The following EPHA6 variants were observed in gnomAD, a reference collection of about 807,000 sequenced individuals.
EPHA6 encodes the protein ephrin type-A receptor 6.
In EPHA6, 50 loss-of-function variants were observed where a neutral mutation model predicts 112.0. The observed-to-expected ratio is 0.45, with a 90% CI of 0.36 to 0.56. The LOEUF (loss-of-function observed/expected upper bound fraction) is 0.56. EPHA6 is among the 20% of genes least tolerant of loss of function. The pLI is 0.00. For synonymous variants in EPHA6, 529 were observed against 490.7 expected, an observed-to-expected ratio of 1.08 and a Z score of -1.03; for missense variants, 1,280 against 1,417.4, an observed-to-expected ratio of 0.90 and a Z score of 1.56.
chr3:97,546,763 T>G (rs923319689), intron 11 of EPHA6, among the ~76,000 whole-genome samples: 1 of 152,200 alleles, frequency 6.6e-6, no homozygotes, highest in Non-Finnish European at 1.5e-5. Flanking sequence ...TTTGTTCATT[T>G]CTTTTTATTC....
rs530762504 is a variant in EPHA6, at chr3:97,293,307, C to T, written c.1606+49020C>T. On this transcript the variant is annotated intron_variant, in intron 5 of 17. Coordinates refer to ENST00000389672, the MANE Select transcript of EPHA6 (RefSeq NM_001080448.3). ...CAGGCAGGCCATCCCAGTGAGTGTCCAGCTCTCAGCGGAGAGGAGACCCAG... is the reference window on the plus strand; with the variant it reads ...CAGGCAGGCCATCCCAGTGAGTGTCTAGCTCTCAGCGGAGAGGAGACCCAG... 2.6e-5 allele frequency among the ~76,000 whole-genome samples: 4 copies of T among 152,248 alleles called. No homozygotes were observed. In the East Asian group the frequency reaches 7.8e-4, roughly 30 times the overall value.
At chr3:97,385,273 C>T (rs1389450062) in intron 5 of EPHA6, among the ~76,000 whole-genome samples, 4 of 152,160 alleles carry the variant, frequency 2.6e-5, no homozygotes, top group Admixed American at 6.5e-5. Context: ...TATGTGGACA[C>T]ATTGAAAAGG....
intron 5 of EPHA6, among the ~76,000 whole-genome samples, chr3:97,311,699 G>A (rs2081571568): frequency 6.7e-6 from 1 of 149,906 alleles, no homozygotes; most frequent in Admixed American, 6.8e-5. Context: ...TTTATTATAA[G>A]TTTTGAAATC....
Position 97,749,048 on chromosome 3 carries a change from T to C in EPHA6, c.*347T>C, listed in dbSNP as rs1391107153. ...TCCAGGTGGGGCTTCCTTAGTGATG[T>C]ATGTAGAGTGTGATGGTAGATGAGA... On this transcript the variant is annotated 3_prime_UTR_variant, in exon 18 of 18. Transcript: ENST00000389672. The C allele has an allele frequency of 2.8e-5, 8 of 284,090 alleles. No homozygotes were observed. Among genetic ancestry groups the C allele is most frequent in the Non-Finnish European group, 5.4e-5 (8 of 147,016 alleles). The allele number at this position is 284,090 out of a possible 1,614,324, so 17.6% of individuals were successfully genotyped here.
At chr3:97,091,036 CTA>C (rs1023171856) in intron 3 of EPHA6, among the ~76,000 whole-genome samples, 64 of 152,164 alleles carry the variant, frequency 4.2e-4, no homozygotes, top group African/African-American at 1.5e-3. Flanking sequence ...ACCAAAAATT[CTA>C]TGTGTATTAA....
intron 3 of EPHA6, among the ~76,000 whole-genome samples, chr3:97,196,081 C>A (rs537430854): frequency 6.6e-6 from 1 of 151,056 alleles, no homozygotes; most frequent in South Asian, 2.1e-4. Flanking sequence ...ACCCAGATCT[C>A]TCTCTCTATC....
At chr3:97,724,728 G>A (rs183921972) in intron 15 of EPHA6, among the ~76,000 whole-genome samples, 1 of 152,106 alleles carries the variant, frequency 6.6e-6, no homozygotes, top group East Asian at 1.9e-4. Context: ...CTCCAGCCTG[G>A]TGACAGAGTG....
intron 2 of EPHA6, among the ~76,000 whole-genome samples, chr3:96,916,892 T>G (rs1160906192): frequency 2.0e-5 from 3 of 152,128 alleles, no homozygotes; most frequent in African/African-American, 7.2e-5. Context: ...GAAATCAAAT[T>G]AAGTGTTTTA....
At position 97,146,072 on chromosome 3, in the gene EPHA6, A is replaced by G. The variant is rs568704417; in HGVS notation, c.1115-80192A>G. ...CATATTATTTGATTGCTCCTTTTAA[A>G]TTATACAATATTGCCATCCTATGAA... On this transcript the variant is annotated intron_variant, in intron 3 of 17. Transcript: ENST00000389672. 7.4e-4 allele frequency among the ~76,000 whole-genome samples: 113 copies of G among 151,932 alleles called. 1 individual carries two copies. Among genetic ancestry groups the G allele is most frequent in the African/African-American group, 2.6e-3 (106 of 41,546 alleles).
intron 11 of EPHA6, among the ~76,000 whole-genome samples, chr3:97,592,396 C>A (rs910379741): frequency 6.6e-6 from 1 of 152,156 alleles, no homozygotes; most frequent in Non-Finnish European, 1.5e-5. Context: ...ATGCTTCTAA[C>A]CCTCTTTAAT....
At chr3:97,099,819 G>C (rs1248134857) in intron 3 of EPHA6, among the ~76,000 whole-genome samples, 1 of 151,956 alleles carries the variant, frequency 6.6e-6, no homozygotes, top group African/African-American at 2.4e-5. Context: ...TGATCATATG[G>C]AGCAAAGTCC....
chr3:97,595,914 T>C (rs2093585337), intron 12 of EPHA6, among the ~76,000 whole-genome samples: 1 of 145,082 alleles, frequency 6.9e-6, no homozygotes. Flanking sequence ...TTTTTTTTTT[T>C]TTTTTTTTTG....
chr3:97,666,022 A>G (rs935752156), intron 14 of EPHA6, among the ~76,000 whole-genome samples: 2 of 148,802 alleles, frequency 1.3e-5, no homozygotes, highest in Non-Finnish European at 3.0e-5. Flanking sequence ...TCGCCGTTAC[A>G]CTCCAGCTGG....
chr3:97,251,846 G>T (rs181598120), intron 5 of EPHA6, among the ~76,000 whole-genome samples: 4 of 152,208 alleles, frequency 2.6e-5, no homozygotes, highest in East Asian at 1.9e-4. Flanking sequence ...AGCCATAAAA[G>T]GTACTAAAAT....
chr3:97,517,418 G>C (rs1011302640), intron 10 of EPHA6, among the ~76,000 whole-genome samples: 2 of 151,960 alleles, frequency 1.3e-5, no homozygotes, highest in African/African-American at 4.8e-5. Context: ...AGAAAGTAAA[G>C]GCAATTCTAT....
chr3:96,980,087 G>T (rs367624370), intron 2 of EPHA6, among the ~76,000 whole-genome samples: 1,895 of 152,054 alleles, frequency 0.012, 28 homozygotes, highest in Non-Finnish European at 0.019. Context: ...TGGCTTTTGT[G>T]GCCATTGCTT....
intron 5 of EPHA6, among the ~76,000 whole-genome samples, chr3:97,326,791 A>C (rs1000142910): frequency 6.6e-6 from 1 of 152,126 alleles, no homozygotes; most frequent in Non-Finnish European, 1.5e-5. Context: ...AAGGCATGGG[A>C]AATCTGATGA....
At chr3:97,572,357 A>C (rs1041992174) in intron 11 of EPHA6, among the ~76,000 whole-genome samples, 1 of 151,824 alleles carries the variant, frequency 6.6e-6, no homozygotes, top group Admixed American at 6.6e-5. Context: ...TCATGGTGTT[A>C]GCCAGGATCG....
At chr3:97,247,568 A>G (rs1039152821) in intron 5 of EPHA6, among the ~76,000 whole-genome samples, 1 of 151,976 alleles carries the variant, frequency 6.6e-6, no homozygotes, top group African/African-American at 2.4e-5. Flanking sequence ...TGAGGCTGAT[A>G]TAAGAGAAAT....
Sources: allele counts gnomAD v4.1 joint callset (sites outside exome capture counted in the v4.1 genomes callset), GRCh38; gene constraint gnomAD v4.1.1; transcripts MANE v1.5; gene names NCBI Gene and HGNC (gene_info 2026-07-23, HGNC 2026-07-21).